The following RBM33 variants were observed in gnomAD, a reference collection of about 807,000 sequenced individuals.
RBM33 encodes RNA-binding protein 33.
In RBM33, 28 loss-of-function variants were observed where a neutral mutation model predicts 132.6. That is an observed-to-expected ratio of 0.21 (90% confidence interval 0.16 to 0.29). The LOEUF is 0.29. RBM33 is among the 10% of genes least tolerant of loss of function. RBM33 has a pLI of 1.00. For missense variants in RBM33, 1,291 were observed against 1,518.5 expected (o/e 0.85, Z 2.49); for synonymous variants, 634 against 593.0 (o/e 1.07, Z -1.01).
intron 1 of RBM33, among the ~76,000 whole-genome samples, chr7:155,652,496 CTA>C (rs1400316753): frequency 1.3e-5 from 2 of 152,168 alleles, no homozygotes; most frequent in East Asian, 1.9e-4. Context: ...AGCTAATAGT[CTA>C]TGTGGTATCT....
intron 8 of RBM33, among the ~76,000 whole-genome samples, chr7:155,717,028 T>C (rs780727796): frequency 3.9e-5 from 6 of 152,164 alleles, no homozygotes; most frequent in African/African-American, 9.7e-5. Context: ...TGAGTAATCA[T>C]AGTAAAAAAA....
Position 155,707,060 on chromosome 7 carries a change from C to G in RBM33, c.940C>G (p.Pro314Ala). The change falls in exon 7 of 18, where the codon CCT becomes GCT. Residue 314 changes from proline to alanine, a missense_variant. Transcript: ENST00000401878. ...ACCTGCGCTGCTTCCTACACAGCCT[C>G]CTGTCGTGGTAACTTCAGATTTTCT... ...HRPALLPTQP[P>A]VVPQAPPPPP... 1.9e-6 allele frequency: 3 copies of G among 1,543,596 alleles called. No homozygotes were observed. Among genetic ancestry groups the G allele is most frequent in the South Asian group, 1.2e-5 (1 of 83,630 alleles).
At chr7:155,723,462 C>G (rs1452782105) in intron 9 of RBM33, among the ~76,000 whole-genome samples, 1 of 152,220 alleles carries the variant, frequency 6.6e-6, no homozygotes, top group Non-Finnish European at 1.5e-5. Flanking sequence ...GTTTAAAATG[C>G]ACGTGACATA....
At chr7:155,686,131 T>C (rs1799471723) in intron 5 of RBM33, among the ~76,000 whole-genome samples, 1 of 152,214 alleles carries the variant, frequency 6.6e-6, no homozygotes, top group African/African-American at 2.4e-5. Context: ...GACAGAATAA[T>C]ACAAAGAACT....
At chr7:155,703,101 A>C (rs896171197) in intron 6 of RBM33, among the ~76,000 whole-genome samples, 1 of 151,788 alleles carries the variant, frequency 6.6e-6, no homozygotes, top group Non-Finnish European at 1.5e-5. Context: ...CCACCCAACC[A>C]CTAGTAACAT....
chr7:155,656,053 G>C (rs1455111229), intron 1 of RBM33, among the ~76,000 whole-genome samples: 1 of 152,148 alleles, frequency 6.6e-6, no homozygotes, highest in Admixed American at 6.5e-5. Context: ...AATGAAGTGA[G>C]CCTGTCACTT....
At chr7:155,684,684 C>G (rs1799423362) in intron 5 of RBM33, among the ~76,000 whole-genome samples, 1 of 152,168 alleles carries the variant, frequency 6.6e-6, no homozygotes, top group African/African-American at 2.4e-5. Context: ...TGACAGGGCA[C>G]TTGGAGTTTG....
rs1801261166 is a variant in RBM33, at chr7:155,739,826, C to T, written c.1849C>T (p.Pro617Ser). The change falls in exon 12 of 18, where the codon CCC (proline) becomes TCC (serine). Residue 617 changes from proline (P) to serine (S), a missense_variant. By Grantham distance (74) the Pro-to-Ser change is moderately conservative. Transcript: ENST00000401878. ...GCACCAGCCCCCGCACCAGCCCCCG[C>T]CCCAGCACCAGCCCCCACCCCAGCA... The part of the protein sequence containing the change: ...PPHQPPHQPP[P>S]QHQPPPQHPP... 1.5e-6 allele frequency: 2 copies of T among 1,295,374 alleles called. No homozygotes were observed. The highest frequency in any genetic ancestry group is 2.6e-5 in the South Asian group (2 of 76,380). The allele number at this position is 1,295,374 out of a possible 1,614,324, so 80.2% of individuals were successfully genotyped here.
intron 4 of RBM33, among the ~76,000 whole-genome samples, chr7:155,679,003 C>T (rs569114314): frequency 8.5e-5 from 13 of 152,160 alleles, no homozygotes; most frequent in South Asian, 6.2e-4. Context: ...GAAACCCTGT[C>T]TCTACTAAAA....
chr7:155,766,076 A>G (rs1455986799), intron 15 of RBM33, among the ~76,000 whole-genome samples: 2 of 152,064 alleles, frequency 1.3e-5, no homozygotes, highest in Admixed American at 6.6e-5. Context: ...CCTATACTAC[A>G]CTAGGAGAAA....
At chr7:155,672,764 AAG>A in intron 2 of RBM33, 101 bp from the exon 3 acceptor site, 3 of 513,290 alleles carry the variant, frequency 5.8e-6, no homozygotes, top group South Asian at 3.1e-5. Context: ...AAAAAAAAAA[AAG>A]GTACCTGAGC....
At position 155,673,516 on chromosome 7, in the gene RBM33, GTATA is replaced by G. The variant is rs746872486; in HGVS notation, c.171+608_171+611del. Among the ~76,000 whole-genome samples the G allele has an allele frequency of 2.5e-3, 339 of 138,162 alleles. 7 individuals are homozygous for G. Among genetic ancestry groups the G allele is most frequent in the Non-Finnish European group, 4.3e-3 (281 of 65,008 alleles). The allele number at this position is 138,162 out of a possible 152,430, so 90.6% of individuals were successfully genotyped here. A position where few individuals can be genotyped will look rare whatever the true frequency, so the allele number is the denominator to read the frequency against. ...TACACACATATATACATACACACGTGTATATATATACACACATATATACATACAC... is the reference window on the plus strand; with the variant it reads ...TACACACATATATACATACACACGTGTATATACACACATATATACATACAC... On this transcript the variant is annotated intron_variant, in intron 3 of 17. Transcript: ENST00000401878.
At chr7:155,764,074 G>A in intron 15 of RBM33, 56 bp downstream of exon 15, 1 of 1,328,042 alleles carries the variant, frequency 7.5e-7, no homozygotes, top group Non-Finnish European at 1.0e-6. Flanking sequence ...GTGTGAGGCA[G>A]TGTTCAGACG....
chr7:155,774,849 T>C lies in RBM33; in HGVS notation c.3465-144T>C. ...TGGAGAATTGCCCCTTGTGTTTTAATAGATCTTCCCGGGGAATCTGCCTTT... is the reference window on the plus strand; with the variant it reads ...TGGAGAATTGCCCCTTGTGTTTTAACAGATCTTCCCGGGGAATCTGCCTTT... On this transcript the variant is annotated intron_variant, in intron 17 of 17. Transcript: ENST00000401878. This position sits in a 1 kb window ranked among gnomAD's most constrained non-coding sequence, Gnocchi z 4.2. 1 of 802,922 alleles carries C rather than the reference T, an allele frequency of 1.2e-6. No individual in the cohort carries two copies. Among genetic ancestry groups the C allele is most frequent in the East Asian group, 2.6e-5 (1 of 38,588 alleles). The allele number at this position is 802,922 out of a possible 1,614,324, so 49.7% of individuals were successfully genotyped here.
intron 12 of RBM33, among the ~76,000 whole-genome samples, chr7:155,741,496 T>G (rs1009313017): frequency 3.9e-5 from 6 of 152,200 alleles, no homozygotes; most frequent in African/African-American, 1.4e-4. Context: ...CTGTCTTAAT[T>G]CTTTTAAAAC....
Position 155,681,483 on chromosome 7 carries a change from T to C in RBM33, c.567+575T>C, listed in dbSNP as rs545475706. Among the ~76,000 whole-genome samples, 5 of 148,008 alleles carry C rather than the reference T, an allele frequency of 3.4e-5. No homozygotes were observed. The South Asian group carries it at 1.1e-3, about 31-fold the overall frequency. The stretch of plus-strand genomic sequence containing the variant: ...TCAGAAAGATGATTTTGGTAGGTAG[T>C]TTTTTTTTTTCAAAGTTGAACCAAC... On this transcript the variant is annotated intron_variant, in intron 5 of 17. Coordinates refer to ENST00000401878, the MANE Select transcript of RBM33 (RefSeq NM_053043.3).
intron 14 of RBM33, among the ~76,000 whole-genome samples, chr7:155,756,987 G>T (rs921381365): frequency 6.6e-6 from 1 of 152,254 alleles, no homozygotes; most frequent in East Asian, 1.9e-4. Flanking sequence ...TCAGAGTAAC[G>T]CTTGCCTACT....
intron 14 of RBM33, among the ~76,000 whole-genome samples, chr7:155,754,633 G>A (rs1017928725): frequency 2.0e-5 from 3 of 152,228 alleles, no homozygotes; most frequent in African/African-American, 4.8e-5. Flanking sequence ...GCTTTGGTTT[G>A]TTCCTTCAAA....
chr7:155,668,160 C>CTACATACATATGTA (rs1272430708), intron 2 of RBM33, among the ~76,000 whole-genome samples: 2 of 152,058 alleles, frequency 1.3e-5, no homozygotes, highest in African/African-American at 4.8e-5. Flanking sequence ...GCATATATAT[C>CTACATACATATGTA]TACATACATA....
Sources: gnomAD v4.1 joint callset for allele counts (sites outside exome capture counted in the v4.1 genomes callset) on GRCh38, gnomAD v4.1.1 for gene constraint, Gnocchi (gnomAD v3.1) non-coding constraint, MANE v1.5 for transcripts, NCBI Gene and HGNC (gene_info 2026-07-23, HGNC 2026-07-21) for gene names.